Variants in FRYL observed in about 807,000 individuals in gnomAD.
The protein encoded by FRYL is FRY like transcription coactivator, also known as protein furry homolog-like.
In FRYL, 150 loss-of-function variants were observed where a neutral mutation model predicts 351.2. That is an observed-to-expected ratio of 0.43 (90% CI 0.37 to 0.49). FRYL has a LOEUF of 0.49. Ranked by LOEUF, FRYL falls within the 20% of genes least tolerant of loss-of-function variation. The pLI is 0.00. For missense variants in FRYL, 3,036 were observed against 3,619.3 expected (o/e 0.84, Z 4.13); for synonymous variants, 1,153 against 1,257.1 (o/e 0.92, Z 1.75).
intron 13 of FRYL, among the ~76,000 whole-genome samples, chr4:48,601,159 T>C (rs541124242): frequency 5.9e-5 from 9 of 152,170 alleles, no homozygotes; most frequent in Non-Finnish European, 1.2e-4. Context: ...TCACTTTCTC[T>C]ATCTGCCTCG....
In FRYL at chr4:48,702,715, C is replaced by A. The variant is rs369876678; in HGVS notation, c.-204+7804G>T. Among the ~76,000 whole-genome samples the A allele has an allele frequency of 1.1e-3, 148 of 140,104 alleles. 2 individuals carry two copies. In the South Asian group the frequency reaches 0.032, roughly 31 times the overall value. The allele number at this position is 140,104 out of a possible 152,430, so 91.9% of individuals were successfully genotyped here. A position where few individuals can be genotyped will look rare whatever the true frequency, so the allele number is the denominator to read the frequency against. On this transcript the variant is annotated intron_variant, in intron 2 of 63. Coordinates refer to ENST00000358350, the MANE Select transcript of FRYL (RefSeq NM_015030.2). Reference sequence around the variant, plus strand: ...GGCGGAGCTTACAGTGAGAGGAGATCGGGCCACTGCACTCCAGCCTGGGCG... The same window carrying A: ...GGCGGAGCTTACAGTGAGAGGAGATAGGGCCACTGCACTCCAGCCTGGGCG...
At chr4:48,577,029 C>T (rs1739779492) in intron 23 of FRYL, among the ~76,000 whole-genome samples, 1 of 152,038 alleles carries the variant, frequency 6.6e-6, no homozygotes, top group African/African-American at 2.4e-5. Context: ...TAACTATATG[C>T]TATATCAATA....
intron 19 of FRYL, among the ~76,000 whole-genome samples, chr4:48,585,362 G>A (rs1332731085): frequency 6.6e-6 from 1 of 152,218 alleles, no homozygotes; most frequent in Non-Finnish European, 1.5e-5. Flanking sequence ...ACAGGCAACA[G>A]TTGAGGATAA....
At chr4:48,746,576 AAC>A (rs1772709653) in intron 1 of FRYL, among the ~76,000 whole-genome samples, 2 of 151,812 alleles carry the variant, frequency 1.3e-5, no homozygotes, top group Non-Finnish European at 2.9e-5. Context: ...AAAACAAACA[AAC>A]AAAAAACAGG....
At chr4:48,541,083 G>A in intron 45 of FRYL, 123 bp from the exon 46 acceptor site, 1 of 905,982 alleles carries the variant, frequency 1.1e-6, no homozygotes, top group Non-Finnish European at 1.6e-6. Flanking sequence ...CAGTATATCT[G>A]ACTTTGTTGA....
At chr4:48,684,340 C>T (rs147277861) in intron 3 of FRYL, among the ~76,000 whole-genome samples, 13 of 152,256 alleles carry the variant, frequency 8.5e-5, no homozygotes, top group African/African-American at 3.1e-4. Flanking sequence ...ATTTCCTATG[C>T]TTCATCTGCT....
intron 1 of FRYL, among the ~76,000 whole-genome samples, chr4:48,774,242 G>T (rs1186303539): frequency 6.6e-6 from 1 of 152,072 alleles, no homozygotes; most frequent in Non-Finnish European, 1.5e-5. Context: ...TTTTTAATAG[G>T]TAAATTATAT....
intron 5 of FRYL, among the ~76,000 whole-genome samples, chr4:48,622,209 C>A (rs1750792691): frequency 6.6e-6 from 1 of 152,080 alleles, no homozygotes; most frequent in Non-Finnish European, 1.5e-5. Flanking sequence ...GATTTCAAAT[C>A]CTGATTATGG....
chr4:48,533,538 TTTCCCA>T (rs1219528756), intron 49 of FRYL, among the ~76,000 whole-genome samples: 1 of 152,214 alleles, frequency 6.6e-6, no homozygotes, highest in Non-Finnish European at 1.5e-5. Context: ...CAGCTAAGTA[TTTCCCA>T]TTCTAAGTTC....
chr4:48,616,163 C>G (rs1361496015), intron 7 of FRYL, among the ~76,000 whole-genome samples: 3 of 151,418 alleles, frequency 2.0e-5, no homozygotes, highest in Non-Finnish European at 2.9e-5. Flanking sequence ...CACCTGTATA[C>G]CTATGTAAAA....
rs548162591 is a variant in FRYL at position 48,652,603 on chromosome 4, T to C, written c.-80-18113A>G. Among the ~76,000 whole-genome samples, 13 of 152,310 alleles carry C rather than the reference T, an allele frequency of 8.5e-5. No individual in the cohort carries two copies. In the South Asian group the frequency reaches 1.9e-3, roughly 22 times the overall value. ...TTATAGATAAAAAATAAAAGAAATA[T>C]AGGGATTGTAAATGCAGTATATTTG... On this transcript the variant is annotated intron_variant, in intron 3 of 63. Coordinates refer to ENST00000358350, the MANE Select transcript of FRYL (RefSeq NM_015030.2).
At chr4:48,631,417 C>T (rs1297590423) in intron 4 of FRYL, among the ~76,000 whole-genome samples, 2 of 151,984 alleles carry the variant, frequency 1.3e-5, no homozygotes, top group Admixed American at 6.6e-5. Context: ...AAAGAACTAT[C>T]GGAAGCTCTG....
intron 1 of FRYL, among the ~76,000 whole-genome samples, chr4:48,759,578 G>A (rs545475635): frequency 1.3e-5 from 2 of 152,226 alleles, no homozygotes; most frequent in East Asian, 3.9e-4. Context: ...AGTTTAGAGG[G>A]TGCCCCACTT....
Position 48,552,153 on chromosome 4 carries a change from A to AC in FRYL, c.4436-576dup, listed in dbSNP as rs201156671. On this transcript the variant is annotated intron_variant, in intron 36 of 63. Transcript: ENST00000358350. ...TGCACATGCTAAAATTTGAGACTGCACCCCCCCCAACATCCTTCTTACCCC... is the reference window on the plus strand; with the variant it reads ...TGCACATGCTAAAATTTGAGACTGCACCCCCCCCCAACATCCTTCTTACCCC... Among the ~76,000 whole-genome samples the AC allele has an allele frequency of 3.9e-3, 591 of 150,090 alleles. 3 individuals are homozygous for AC. Among genetic ancestry groups the AC allele is most frequent in the East Asian group, 0.014 (74 of 5,118 alleles).
chr4:48,501,725 C>T lies in FRYL; in HGVS notation c.8490G>A (p.Glu2830=), dbSNP rs372348201. 19 of 1,571,506 alleles carry T rather than the reference C, an allele frequency of 1.2e-5. No homozygotes were observed. The highest frequency in any genetic ancestry group is 1.7e-5 in the Non-Finnish European group (19 of 1,143,084). Residue 2830 remains glutamate, a synonymous_variant, in exon 62 of 64, where the codon GAG becomes GAA. Transcript: ENST00000358350. ...GCAATTTGTATAATCTTCGGCAGAG[C>T]TCCAATTCCTAGAAATAAATAACAT... ...AQQMEILAEL[E]LCRRLYKLHF...
intron 2 of FRYL, among the ~76,000 whole-genome samples, chr4:48,701,916 C>T (rs1766760647): frequency 6.6e-6 from 1 of 152,118 alleles, no homozygotes; most frequent in Admixed American, 6.6e-5. Flanking sequence ...ATATTTTTGT[C>T]AACCCAATAT....
chr4:48,577,529 A>T (rs1452913834), intron 23 of FRYL, among the ~76,000 whole-genome samples: 1 of 152,208 alleles, frequency 6.6e-6, no homozygotes, highest in Non-Finnish European at 1.5e-5. Flanking sequence ...GCCATGGGAG[A>T]CATACAATAA....
At chr4:48,694,066 G>T (rs1481848125) in intron 2 of FRYL, among the ~76,000 whole-genome samples, 1 of 152,042 alleles carries the variant, frequency 6.6e-6, no homozygotes, top group African/African-American at 2.4e-5. Context: ...TACTATCACA[G>T]GGAAATATCA....
intron 1 of FRYL, among the ~76,000 whole-genome samples, chr4:48,737,259 G>GAA (rs368219531): frequency 0.026 from 2,500 of 97,444 alleles, 72 homozygotes; most frequent in Non-Finnish European, 0.037. Context: ...CTCCATCACA[G>GAA]AAAAAAAAAA....
Sources: gnomAD v4.1 joint callset for allele counts (sites outside exome capture counted in the v4.1 genomes callset) on GRCh38, gnomAD v4.1.1 for gene constraint, MANE v1.5 for transcripts, NCBI Gene and HGNC (gene_info 2026-07-23, HGNC 2026-07-21) for gene names.